FYCO1: variants seen among roughly 807,000 people sequenced by gnomAD.
The protein encoded by FYCO1 is FYVE and coiled-coil domain autophagy adaptor 1.
FYCO1 carries 122 observed loss-of-function variants against 165.1 expected under a neutral mutation model. The observed-to-expected ratio is 0.74, with a 90% CI of 0.64 to 0.86. FYCO1 has a LOEUF of 0.86. Ranked by LOEUF, FYCO1 falls within the 40% of genes least tolerant of loss-of-function variation. The pLI, the probability that FYCO1 is intolerant of heterozygous loss-of-function variation, is 0.00. For synonymous variants in FYCO1, 648 were observed against 742.5 expected, an observed-to-expected ratio of 0.87 and a Z score of 2.07; for missense variants, 1,702 against 1,810.3, an observed-to-expected ratio of 0.94 and a Z score of 1.09.
chr3:45,928,069 GA>G (rs1295759030), intron 16 of FYCO1, among the ~76,000 whole-genome samples: 10 of 152,132 alleles, frequency 6.6e-5, no homozygotes, highest in Non-Finnish European at 1.5e-5. Flanking sequence ...CCACAAAATA[GA>G]TTAGTGGTCA....
Position 45,955,306 on chromosome 3 carries a change from G to T in FYCO1, c.3887C>A (p.Ser1296Tyr). The change falls in exon 14 of 18, where the codon TCC becomes TAC. Residue 1296 changes from serine (S) to tyrosine (Y), a missense_variant. Physicochemically the swap from Ser to Tyr is moderately radical, Grantham distance 144 (BLOSUM62 -2). Coordinates refer to ENST00000296137, the MANE Select transcript of FYCO1 (RefSeq NM_024513.4). ...EELCQIQESG[S>Y]SLPETPTETD... ...TTCAGTGGGTGTTTCAGGCAAAGAG[G>T]AGCCGGACTCCTGTATCTGGCACAA... The T allele has an allele frequency of 6.2e-7, 1 of 1,614,164 alleles. No homozygotes were observed. Among genetic ancestry groups the T allele is most frequent in the Non-Finnish European group, 8.5e-7 (1 of 1,180,040 alleles).
rs778525278 is a variant in FYCO1 at position 45,968,601 on chromosome 3, G to A, written c.733C>T (p.Arg245Trp). 2.2e-5 allele frequency: 35 copies of A among 1,613,758 alleles called. No individual in the cohort carries two copies. The highest frequency in any genetic ancestry group is 5.0e-5 in the Admixed American group (3 of 59,996). ...ATGCGCTCCCGTAGCTGCTTCTCCC[G>A]CACCTCCAACTGGTCCAGCTCTAGT... ...MRLELDQLEV[R>W]EKQLRERMQQ... Residue 245 changes from arginine to tryptophan, a missense_variant, in exon 8 of 18, where the codon CGG becomes TGG. Transcript: ENST00000296137.
At chr3:45,976,193 C>G (rs1018061104) in intron 4 of FYCO1, among the ~76,000 whole-genome samples, 1 of 152,166 alleles carries the variant, frequency 6.6e-6, no homozygotes, top group Non-Finnish European at 1.5e-5. Flanking sequence ...AAAACCTCTC[C>G]CCACAGAGCT....
chr3:45,921,954 G>A, intron 17 of FYCO1, 114 bp from the exon 18 acceptor site: 1 of 739,066 alleles, frequency 1.4e-6, no homozygotes, highest in Non-Finnish European at 2.5e-6. Flanking sequence ...GGGTGTGGGT[G>A]CTGGAGCCCC....
intron 1 of FYCO1, among the ~76,000 whole-genome samples, chr3:45,988,915 C>T (rs1215302722): frequency 2.0e-5 from 3 of 152,188 alleles, no homozygotes; most frequent in African/African-American, 7.2e-5. Context: ...CCCTAAATGC[C>T]TTAAACAATA....
rs571594075 is a variant in FYCO1 at position 45,927,809 on chromosome 3, G to A, written c.4251+3262C>T. On this transcript the variant is annotated intron_variant, in intron 16 of 17. Transcript: ENST00000296137. Reference sequence around the variant, plus strand: ...TGGGAAGGAGCTGCTGGAGGGGAAGGCTTGCTGTTTGCATGGGGACCTTGG... The same window carrying A: ...TGGGAAGGAGCTGCTGGAGGGGAAGACTTGCTGTTTGCATGGGGACCTTGG... 1.5e-4 allele frequency among the ~76,000 whole-genome samples: 23 copies of A among 152,362 alleles called. 1 individual carries two copies. In the South Asian group the frequency reaches 2.5e-3, roughly 16 times the overall value.
intron 17 of FYCO1, 70 bp downstream of exon 17, chr3:45,923,586 C>T (rs1703187340): frequency 1.1e-6 from 1 of 944,396 alleles, no homozygotes. Context: ...TTTGAGTGTC[C>T]ACCTCTGCTC....
chr3:45,961,230 A>G (rs911111536), intron 11 of FYCO1, among the ~76,000 whole-genome samples: 3 of 152,196 alleles, frequency 2.0e-5, no homozygotes, highest in Non-Finnish European at 4.4e-5. Context: ...TGATGATATT[A>G]AGAAATTATA....
At position 45,964,389 on chromosome 3, in the gene FYCO1, C is replaced by T. The variant is rs759277391; in HGVS notation, c.3216G>A (p.Ala1072=). The T allele has an allele frequency of 1.3e-5, 21 of 1,614,038 alleles. No individual in the cohort carries two copies. The highest frequency in any genetic ancestry group is 6.7e-5 in the East Asian group (3 of 44,902). Residue 1072 remains alanine, a synonymous_variant, in exon 10 of 18, where the codon GCG becomes GCA. Coordinates refer to ENST00000296137, the MANE Select transcript of FYCO1 (RefSeq NM_024513.4). The surrounding 1 kb of genome is among the most constrained non-coding windows in gnomAD (Gnocchi z 4.1). The part of the protein sequence containing the change: ...CTSNHLAECQ[A]AMLRKDKEGA... ...CCTCCTTGTCCTTCCTCAGCATGGCCGCCTGGCACTCTGCAAGATGGTTGC... is the reference window on the plus strand; with the variant it reads ...CCTCCTTGTCCTTCCTCAGCATGGCTGCCTGGCACTCTGCAAGATGGTTGC...
chr3:45,940,626 AT>A (rs1178827871), intron 14 of FYCO1, among the ~76,000 whole-genome samples: 1 of 152,170 alleles, frequency 6.6e-6, no homozygotes, highest in African/African-American at 2.4e-5. Context: ...CAAGGGCCGG[AT>A]GGGGCACTTG....
intron 16 of FYCO1, among the ~76,000 whole-genome samples, chr3:45,926,879 G>A (rs1337813813): frequency 3.3e-5 from 5 of 151,892 alleles, no homozygotes; most frequent in African/African-American, 9.7e-5. Flanking sequence ...CAGGAGAATC[G>A]CTTGAACCTG....
chr3:45,983,580 C>A lies in FYCO1; in HGVS notation c.55+1276G>T, dbSNP rs1027525089. ...TGAGGGTCCCCTATTTCACCCTCTT[C>A]CCTCCCAATAAGGACCTCCAGGTCT... On this transcript the variant is annotated intron_variant, in intron 2 of 17. Coordinates refer to ENST00000296137, the MANE Select transcript of FYCO1 (RefSeq NM_024513.4). Among the ~76,000 whole-genome samples, 3 of 152,282 alleles carry A rather than the reference C, an allele frequency of 2.0e-5. No homozygotes were observed. The East Asian group carries it at 5.8e-4, about 29-fold the overall frequency.
intron 14 of FYCO1, chr3:45,946,953 A>ATATCCCTGCTGGTTTGT: frequency 6.2e-7 from 1 of 1,614,236 alleles, no homozygotes; most frequent in Non-Finnish European, 8.5e-7. Context: ...CATCTGGGTG[A>ATATCCCTGCTGGTTTGT]TATCCCTGCT....
chr3:45,960,000 G>A (rs1705597197), intron 11 of FYCO1, among the ~76,000 whole-genome samples: 1 of 152,202 alleles, frequency 6.6e-6, no homozygotes, highest in Non-Finnish European at 1.5e-5. Context: ...AATCAGTGGA[G>A]AAGATCAAAG....
intron 13 of FYCO1, 27 bp downstream of exon 13, chr3:45,958,381 A>G (rs776469059): frequency 6.3e-7 from 1 of 1,599,362 alleles, no homozygotes. Context: ...TAGAGAACAT[A>G]GTAGGCAGTA....
rs759465183 is a variant in FYCO1 at position 45,967,418 on chromosome 3, A to G, written c.1916T>C (p.Leu639Pro). The G allele has an allele frequency of 1.2e-6, 2 of 1,613,066 alleles. No homozygotes were observed. The highest frequency in any genetic ancestry group is 1.7e-6 in the Non-Finnish European group (2 of 1,179,708). Residue 639 changes from leucine to proline, a missense_variant, in exon 8 of 18, where the codon CTG (leucine) becomes CCG (proline). Leu to Pro is a moderately conservative substitution (Grantham distance 98). Transcript: ENST00000296137. Reference protein sequence around the residue: ...VGRNQLLEGKLQALQADYQAL... With the variant: ...VGRNQLLEGKPQALQADYQAL... ...CTGGTAATCGGCCTGCAGGGCTTGCAGCTTGCCCTCCAGGAGCTGGTTACG... is the reference window on the plus strand; with the variant it reads ...CTGGTAATCGGCCTGCAGGGCTTGCGGCTTGCCCTCCAGGAGCTGGTTACG...
chr3:45,984,122 TC>T (rs1270403127), intron 2 of FYCO1, among the ~76,000 whole-genome samples: 11 of 152,044 alleles, frequency 7.2e-5, no homozygotes, highest in African/African-American at 2.7e-4. Flanking sequence ...GTCCTAGAGC[TC>T]CGAAGAGCTT....
At chr3:45,981,006 T>C (rs1707022087) in intron 3 of FYCO1, among the ~76,000 whole-genome samples, 1 of 152,236 alleles carries the variant, frequency 6.6e-6, no homozygotes, top group Non-Finnish European at 1.5e-5. Context: ...TATCCTGGGC[T>C]GACCCCAGAG....
intron 14 of FYCO1, among the ~76,000 whole-genome samples, chr3:45,937,670 C>T (rs529709866): frequency 1.3e-5 from 2 of 152,220 alleles, no homozygotes; most frequent in Non-Finnish European, 2.9e-5. Context: ...TTCCTGCCCA[C>T]AGCCTCCGCT....
Sources: allele counts gnomAD v4.1 joint callset (sites outside exome capture counted in the v4.1 genomes callset), GRCh38; gene constraint gnomAD v4.1.1; non-coding constraint Gnocchi (gnomAD v3.1); transcripts MANE v1.5; gene names NCBI Gene and HGNC (gene_info 2026-07-23, HGNC 2026-07-21).